Variants in ARB2A observed in about 807,000 individuals in gnomAD.
ARB2A encodes the protein ARB2 cotranscriptional regulator A, also known as cotranscriptional regulator ARB2A.
the ARB2A span, among the ~76,000 whole-genome samples, chr5:93,882,144 G>C: frequency 2.0e-5 from 3 of 151,008 alleles, no homozygotes; most frequent in South Asian, 6.3e-4. Flanking sequence ...CCTTTCAAGA[G>C]CATTTTTTAT....
At chr5:93,865,922 C>T in the ARB2A span, 1 of 985,252 alleles carries the variant, frequency 1.0e-6, no homozygotes, top group African/African-American at 1.7e-5. Flanking sequence ...GAGGGCTGCC[C>T]CATAAGGGCA....
the ARB2A span, among the ~76,000 whole-genome samples, chr5:93,850,755 A>G: frequency 6.6e-6 from 1 of 152,314 alleles, no homozygotes; most frequent in East Asian, 1.9e-4. Context: ...CAAGATTAAT[A>G]CCATATATAT....
the ARB2A span, among the ~76,000 whole-genome samples, chr5:93,910,239 A>G: frequency 6.6e-6 from 1 of 150,568 alleles, no homozygotes; most frequent in Non-Finnish European, 1.5e-5. Context: ...TTTATTACCT[A>G]TTCTCTGATA....
chr5:93,983,472 C>T, the ARB2A span, among the ~76,000 whole-genome samples: 6 of 151,864 alleles, frequency 4.0e-5, no homozygotes, highest in South Asian at 2.1e-4. Context: ...GATCATATCA[C>T]CTTTTAAATA....
At chr5:93,793,126 G>A in the ARB2A span, among the ~76,000 whole-genome samples, 1 of 151,622 alleles carries the variant, frequency 6.6e-6, no homozygotes, top group Non-Finnish European at 1.5e-5. Flanking sequence ...AAGCTGAAGT[G>A]CAGTGGTAGG....
the ARB2A span, among the ~76,000 whole-genome samples, chr5:93,902,258 T>C: frequency 1.3e-5 from 2 of 152,056 alleles, no homozygotes; most frequent in Non-Finnish European, 2.9e-5. Flanking sequence ...TACAGTAAAA[T>C]AGGAAGGCTA....
At chr5:93,777,690 T>C in the ARB2A span, among the ~76,000 whole-genome samples, 1 of 152,214 alleles carries the variant, frequency 6.6e-6, no homozygotes, top group Non-Finnish European at 1.5e-5. Flanking sequence ...CTTGCTTCCC[T>C]GGTTGTGCAC....
the ARB2A span, among the ~76,000 whole-genome samples, chr5:93,837,761 C>G: frequency 6.6e-6 from 1 of 151,984 alleles, no homozygotes; most frequent in African/African-American, 2.4e-5. Flanking sequence ...CTAATGATTA[C>G]TGATGCTGTG....
At chr5:94,053,142 T>C in the ARB2A span, 28 of 1,589,564 alleles carry the variant, frequency 1.8e-5, no homozygotes, top group East Asian at 2.3e-5. Flanking sequence ...TAAAAGCATA[T>C]TCAAATCCTT....
At chr5:94,100,029 C>T in the ARB2A span, among the ~76,000 whole-genome samples, 9 of 152,146 alleles carry the variant, frequency 5.9e-5, no homozygotes, top group African/African-American at 1.7e-4. Context: ...GATTCTATAT[C>T]TAGAAAACCC....
the ARB2A span, among the ~76,000 whole-genome samples, chr5:93,965,139 T>C: frequency 1.1e-3 from 168 of 152,132 alleles, no homozygotes; most frequent in African/African-American, 3.9e-3. Context: ...ATGGCGAGAT[T>C]TTCTAGGATT....
chr5:94,029,508 T>G, the ARB2A span, among the ~76,000 whole-genome samples: 1 of 152,196 alleles, frequency 6.6e-6, no homozygotes, highest in Non-Finnish European at 1.5e-5. Context: ...AATTGGAAAA[T>G]GTACCTAAAG....
the ARB2A span, among the ~76,000 whole-genome samples, chr5:94,070,225 C>T: frequency 3.3e-5 from 5 of 152,014 alleles, no homozygotes; most frequent in Admixed American, 6.6e-5. Flanking sequence ...TGAAATAAGT[C>T]AGGTACAGAA....
chr5:93,722,627 A>G, the ARB2A span, among the ~76,000 whole-genome samples: 3 of 152,156 alleles, frequency 2.0e-5, no homozygotes, highest in Non-Finnish European at 2.9e-5. Flanking sequence ...GAGTGATTAA[A>G]GTTCTGGGGC....
At chr5:93,763,373 C>CA in the ARB2A span, among the ~76,000 whole-genome samples, 1 of 151,526 alleles carries the variant, frequency 6.6e-6, no homozygotes, top group Non-Finnish European at 1.5e-5. Context: ...AAATGGAAAA[C>CA]AAAAAAAGGC....
chr5:94,106,872 A>G, the ARB2A span, among the ~76,000 whole-genome samples: 4 of 135,814 alleles, frequency 2.9e-5, no homozygotes, highest in African/African-American at 1.4e-4. Context: ...TCAATGCAGA[A>G]AAAAAAAAAA....
the ARB2A span, among the ~76,000 whole-genome samples, chr5:93,971,169 T>G: frequency 6.6e-6 from 1 of 151,990 alleles, no homozygotes; most frequent in African/African-American, 2.4e-5. Context: ...CAGCTAATCT[T>G]TTGTACTTTT....
the ARB2A span, among the ~76,000 whole-genome samples, chr5:93,786,863 AC>A: frequency 2.0e-5 from 3 of 152,176 alleles, no homozygotes; most frequent in Admixed American, 2.0e-4. Flanking sequence ...TAAGAGACAG[AC>A]CTTAGATGAA....
At chr5:93,742,693 AT>A in the ARB2A span, among the ~76,000 whole-genome samples, 1 of 152,110 alleles carries the variant, frequency 6.6e-6, no homozygotes, top group Non-Finnish European at 1.5e-5. Flanking sequence ...GTCATCAGTG[AT>A]TTTTCAGCTG....
Sources: allele counts gnomAD v4.1 joint callset (sites outside exome capture counted in the v4.1 genomes callset), GRCh38; gene constraint gnomAD v4.1.1; transcripts MANE v1.5; gene names NCBI Gene and HGNC (gene_info 2026-07-23, HGNC 2026-07-21).